The following GRM1 variants were observed in gnomAD, a reference collection of about 807,000 sequenced individuals.
The protein encoded by GRM1 is glutamate metabotropic receptor 1, also known as metabotropic glutamate receptor 1.
Under a neutral mutation model 90.9 loss-of-function variants are expected in GRM1, and 33 were observed. The observed-to-expected ratio is 0.36, with a 90% CI of 0.28 to 0.49. GRM1 has a LOEUF of 0.49. Among genes scored for constraint, GRM1 ranks in the 20% least tolerant of loss-of-function variants. The probability of loss-of-function intolerance (pLI) is 0.99; values close to 1 mark genes in which losing one functional copy is unlikely to be tolerated. For missense variants in GRM1, 1,190 were observed against 1,534.3 expected, an observed-to-expected ratio of 0.78 and a Z score of 3.75; for synonymous variants, 700 against 613.2, an observed-to-expected ratio of 1.14 and a Z score of -2.09.
chr6:146,413,598 A>G (rs765210552), intron 7 of GRM1, among the ~76,000 whole-genome samples: 27 of 152,182 alleles, frequency 1.8e-4, no homozygotes, highest in Non-Finnish European at 2.6e-4. Flanking sequence ...ATACAATAAT[A>G]TGCATTGATA....
chr6:146,070,315 G>A (rs1775982098), intron 1 of GRM1, among the ~76,000 whole-genome samples: 1 of 152,016 alleles, frequency 6.6e-6, no homozygotes. Flanking sequence ...GAAAAAAACT[G>A]GGCACATTTT....
At chr6:146,121,353 A>G (rs1036919674) in intron 1 of GRM1, among the ~76,000 whole-genome samples, 5 of 152,086 alleles carry the variant, frequency 3.3e-5, no homozygotes, top group African/African-American at 1.2e-4. Context: ...TCTTGCTAGC[A>G]GTCTATCAAT....
intron 7 of GRM1, among the ~76,000 whole-genome samples, chr6:146,404,084 C>G (rs1777249117): frequency 6.6e-6 from 1 of 152,054 alleles, no homozygotes; most frequent in East Asian, 1.9e-4. Flanking sequence ...ATAATCTTGT[C>G]ATTTTGTAAT....
At chr6:146,122,763 C>G (rs1298409037) in intron 1 of GRM1, among the ~76,000 whole-genome samples, 1 of 147,514 alleles carries the variant, frequency 6.8e-6, no homozygotes, top group Non-Finnish European at 1.5e-5. Context: ...TAATTCTTTT[C>G]AAATCTCTAA....
At chr6:146,069,005 G>A (rs1304391430) in intron 1 of GRM1, among the ~76,000 whole-genome samples, 1 of 152,102 alleles carries the variant, frequency 6.6e-6, no homozygotes, top group Non-Finnish European at 1.5e-5. Context: ...TGATCTATGT[G>A]TTTGTTATGA....
intron 2 of GRM1, among the ~76,000 whole-genome samples, chr6:146,268,204 A>C (rs1204532838): frequency 1.3e-5 from 2 of 152,210 alleles, no homozygotes; most frequent in African/African-American, 4.8e-5. Context: ...GGTGTAAGTA[A>C]TTGACACACA....
chr6:146,070,988 G>A (rs182384749), intron 1 of GRM1, among the ~76,000 whole-genome samples: 138 of 152,166 alleles, frequency 9.1e-4, no homozygotes, highest in Non-Finnish European at 1.3e-3. Context: ...AGAAACTATC[G>A]AAATAATTAG....
chr6:146,064,005 A>G (rs1347847209), intron 1 of GRM1, among the ~76,000 whole-genome samples: 2 of 152,186 alleles, frequency 1.3e-5, no homozygotes, highest in Non-Finnish European at 2.9e-5. Context: ...CTTCATATTT[A>G]GATAACTAGA....
intron 2 of GRM1, among the ~76,000 whole-genome samples, chr6:146,242,692 A>G (rs1293449556): frequency 6.6e-6 from 1 of 152,044 alleles, no homozygotes; most frequent in Non-Finnish European, 1.5e-5. Context: ...AATACAGAAA[A>G]TGAACAGTGG....
chr6:146,288,161 T>C (rs934861695), intron 2 of GRM1, among the ~76,000 whole-genome samples: 1 of 152,128 alleles, frequency 6.6e-6, no homozygotes, highest in African/African-American at 2.4e-5. Flanking sequence ...AGTGAAAACA[T>C]GGCTGTTAAT....
chr6:146,119,251 GTCTGTTCATA>G (rs1245569543), intron 1 of GRM1, among the ~76,000 whole-genome samples: 1 of 152,192 alleles, frequency 6.6e-6, no homozygotes, highest in Non-Finnish European at 1.5e-5. Flanking sequence ...TTTGAGAAGT[GTCTGTTCATA>G]TCCTTTGCCC....
intron 1 of GRM1, among the ~76,000 whole-genome samples, chr6:146,072,080 A>C (rs1019565662): frequency 1.3e-5 from 2 of 152,058 alleles, no homozygotes; most frequent in African/African-American, 4.8e-5. Flanking sequence ...ACCATTTCAA[A>C]TCATTCTTTT....
At chr6:146,153,403 A>AT (rs1376644619) in intron 1 of GRM1, among the ~76,000 whole-genome samples, 11 of 152,208 alleles carry the variant, frequency 7.2e-5, no homozygotes, top group Non-Finnish European at 1.5e-4. Context: ...TACAAATACA[A>AT]TTTTTAAAGT....
At chr6:146,376,165 G>A (rs1431581379) in intron 5 of GRM1, among the ~76,000 whole-genome samples, 1 of 151,866 alleles carries the variant, frequency 6.6e-6, no homozygotes, top group Non-Finnish European at 1.5e-5. Flanking sequence ...TAATAAAAAC[G>A]ATATGCCTTA....
intron 7 of GRM1, among the ~76,000 whole-genome samples, chr6:146,430,644 T>C (rs1345199639): frequency 1.3e-5 from 2 of 152,270 alleles, no homozygotes; most frequent in Non-Finnish European, 2.9e-5. Flanking sequence ...ATTTTTATAA[T>C]GTATTTATTC....
At chr6:146,394,278 G>A (rs868322912) in intron 6 of GRM1, among the ~76,000 whole-genome samples, 39 of 152,240 alleles carry the variant, frequency 2.6e-4, no homozygotes, top group Middle Eastern at 3.4e-3. Flanking sequence ...TTGAGTTAGT[G>A]TGATGATTGT....
intron 3 of GRM1, among the ~76,000 whole-genome samples, chr6:146,318,163 C>T (rs1368492506): frequency 6.6e-6 from 1 of 152,072 alleles, no homozygotes; most frequent in Non-Finnish European, 1.5e-5. Context: ...CCCCTATCCC[C>T]CAACAGGCCC....
chr6:146,281,579 A>G (rs1782569044), intron 2 of GRM1, among the ~76,000 whole-genome samples: 1 of 152,216 alleles, frequency 6.6e-6, no homozygotes, highest in South Asian at 2.1e-4. Flanking sequence ...GATTATAATT[A>G]TCATTTCTGG....
intron 2 of GRM1, among the ~76,000 whole-genome samples, chr6:146,169,003 T>G (rs147106696): frequency 6.6e-6 from 1 of 152,152 alleles, no homozygotes; most frequent in East Asian, 1.9e-4. Context: ...AAATGGCCAT[T>G]ATTTCTTCAA....
Sources: gnomAD v4.1 joint callset for allele counts (sites outside exome capture counted in the v4.1 genomes callset) on GRCh38, gnomAD v4.1.1 for gene constraint, MANE v1.5 for transcripts, NCBI Gene and HGNC (gene_info 2026-07-23, HGNC 2026-07-21) for gene names.